Variants in XKR4 observed in about 807,000 individuals in gnomAD.
XKR4 encodes the protein XK-related protein 4.
A neutral mutation model predicts 53.9 loss-of-function variants in XKR4; 12 were observed. That is an observed-to-expected ratio of 0.22 (90% CI 0.14 to 0.36). The LOEUF (loss-of-function observed/expected upper bound fraction) is 0.36. Among genes scored for constraint, XKR4 ranks in the 10% least tolerant of loss-of-function variants. XKR4 has a pLI of 1.00. For synonymous variants in XKR4, 354 were observed against 362.4 expected (o/e 0.98, Z 0.26); for missense variants, 799 against 859.5 (o/e 0.93, Z 0.88).
At chr8:55,387,696 T>C (rs1804343259) in intron 2 of XKR4, among the ~76,000 whole-genome samples, 1 of 152,198 alleles carries the variant, frequency 6.6e-6, no homozygotes, top group Non-Finnish European at 1.5e-5. Context: ...GCTGCCTTGC[T>C]ACTACAAGTG....
At chr8:55,120,232 G>T (rs1816372331) in intron 1 of XKR4, among the ~76,000 whole-genome samples, 1 of 152,178 alleles carries the variant, frequency 6.6e-6, no homozygotes, top group African/African-American at 2.4e-5. Context: ...TTCTTGTTGA[G>T]CCTAAAGGGA....
intron 1 of XKR4, among the ~76,000 whole-genome samples, chr8:55,159,227 A>G (rs1050261407): frequency 6.6e-6 from 1 of 152,102 alleles, no homozygotes; most frequent in African/African-American, 2.4e-5. Flanking sequence ...ATTTATAGGT[A>G]TTTTATTCTT....
intron 2 of XKR4, among the ~76,000 whole-genome samples, chr8:55,510,213 C>G (rs1017218546): frequency 2.0e-5 from 3 of 152,124 alleles, no homozygotes; most frequent in Non-Finnish European, 2.9e-5. Context: ...AAACGGCTTC[C>G]TGAGCCAGGA....
chr8:55,397,844 T>C (rs1193183552), intron 2 of XKR4, among the ~76,000 whole-genome samples: 1 of 152,106 alleles, frequency 6.6e-6, no homozygotes, highest in Non-Finnish European at 1.5e-5. Context: ...AGATTCTAGG[T>C]AGGACTCACG....
intron 1 of XKR4, among the ~76,000 whole-genome samples, chr8:55,302,792 CTGTT>C (rs755404884): frequency 6.6e-6 from 1 of 152,226 alleles, no homozygotes; most frequent in East Asian, 1.9e-4. Context: ...ATTTGGCTCT[CTGTT>C]TGTCTGTTAG....
chr8:55,175,227 T>C (rs937050454), intron 1 of XKR4, among the ~76,000 whole-genome samples: 1 of 152,216 alleles, frequency 6.6e-6, no homozygotes, highest in African/African-American at 2.4e-5. Context: ...AAGTTTCACC[T>C]AATGGCTAAA....
At chr8:55,161,505 A>G (rs1350716909) in intron 1 of XKR4, 3 of 455,512 alleles carry the variant, frequency 6.6e-6, no homozygotes, top group Non-Finnish European at 1.3e-5. Flanking sequence ...CACCATCTGA[A>G]AAAACAGAAA....
At chr8:55,267,152 A>G (rs970880004) in intron 1 of XKR4, among the ~76,000 whole-genome samples, 1 of 152,180 alleles carries the variant, frequency 6.6e-6, no homozygotes, top group Non-Finnish European at 1.5e-5. Context: ...AAGGGGAGCT[A>G]GCAGAAAATC....
chr8:55,502,048 T>G (rs1166884114), intron 2 of XKR4, among the ~76,000 whole-genome samples: 1 of 152,160 alleles, frequency 6.6e-6, no homozygotes, highest in African/African-American at 2.4e-5. Context: ...AACATATTGT[T>G]TAGGGGATAA....
At chr8:55,505,734 T>C (rs1193991837) in intron 2 of XKR4, among the ~76,000 whole-genome samples, 3 of 152,216 alleles carry the variant, frequency 2.0e-5, no homozygotes, top group Non-Finnish European at 4.4e-5. Flanking sequence ...TGGCCTAATG[T>C]ATGGTCTATC....
At chr8:55,437,579 G>A (rs564557563) in intron 2 of XKR4, among the ~76,000 whole-genome samples, 191 of 152,324 alleles carry the variant, frequency 1.3e-3, no homozygotes, top group African/African-American at 4.4e-3. Context: ...ATGGATCTGA[G>A]AATGTGAATG....
chr8:55,532,059 T>A lies in XKR4; in HGVS notation c.*7832T>A, dbSNP rs2129406763. On this transcript the variant is annotated 3_prime_UTR_variant, in exon 3 of 3. Transcript: ENST00000327381. The stretch of plus-strand genomic sequence containing the variant: ...AGATTGTTAAAGATCACTATTAACT[T>A]GTATAACTAATTTTCCTTATGTGAA... 6.6e-6 allele frequency: 1 copy of A among 152,372 alleles called. No individual in the cohort carries two copies. Among genetic ancestry groups the A allele is most frequent in the South Asian group, 2.1e-4 (1 of 4,828 alleles). The allele number at this position is 152,372 out of a possible 1,614,324, so 9.4% of individuals were successfully genotyped here. A position where few individuals can be genotyped will look rare whatever the true frequency, so the allele number is the denominator to read the frequency against.
At position 55,402,234 on chromosome 8, in the gene XKR4, G is replaced by T. The variant is rs1220606824; in HGVS notation, c.1006+44357G>T. Among the ~76,000 whole-genome samples the T allele has an allele frequency of 2.0e-5, 3 of 152,216 alleles. No homozygotes were observed. The East Asian group carries it at 5.8e-4, about 29-fold the overall frequency. On this transcript the variant is annotated intron_variant, in intron 2 of 2. Transcript: ENST00000327381. The stretch of plus-strand genomic sequence containing the variant: ...TACTGGCCACACTTTGGGAACTACT[G>T]CACTAGGGTACCTGCCCCTGCGTGG...
At chr8:55,273,204 A>G in intron 1 of XKR4, among the ~76,000 whole-genome samples, 1 of 149,546 alleles carries the variant, frequency 6.7e-6, no homozygotes, top group Non-Finnish European at 1.5e-5. Flanking sequence ...ACCCTCACTG[A>G]CTAAATGTGC....
At position 55,524,537 on chromosome 8, in the gene XKR4, G is replaced by T. The variant is rs897181391; in HGVS notation, c.*310G>T. ...GGTACTACTATTATGGAAAAATTTT[G>T]CCTCCAATCATTAGGGTGTCTTGAT... On this transcript the variant is annotated 3_prime_UTR_variant, in exon 3 of 3. Coordinates refer to ENST00000327381, the MANE Select transcript of XKR4 (RefSeq NM_052898.2). 1 of 335,676 alleles carries T rather than the reference G, an allele frequency of 3.0e-6. No homozygotes were observed. The highest frequency in any genetic ancestry group is 5.4e-6 in the Non-Finnish European group (1 of 184,142). 20.8% of individuals were successfully genotyped at this position (335,676 alleles called of 1,614,324 possible).
chr8:55,205,548 T>A (rs1399966258), intron 1 of XKR4, among the ~76,000 whole-genome samples: 1 of 152,228 alleles, frequency 6.6e-6, no homozygotes, highest in Non-Finnish European at 1.5e-5. Context: ...GGCCAAAGAA[T>A]GTTTCCTATA....
chr8:55,182,017 C>T (rs1450281419), intron 1 of XKR4, among the ~76,000 whole-genome samples: 1 of 152,172 alleles, frequency 6.6e-6, no homozygotes, highest in Non-Finnish European at 1.5e-5. Context: ...GTTGTTCCCT[C>T]CTCATGTATT....
rs1204007472 is a variant in XKR4 at position 55,262,015 on chromosome 8, A to G, written c.807-95663A>G. Among the ~76,000 whole-genome samples the G allele has an allele frequency of 6.6e-5, 10 of 152,306 alleles. No individual in the cohort carries two copies. In the East Asian group the frequency reaches 1.7e-3, roughly 26 times the overall value. On this transcript the variant is annotated intron_variant, in intron 1 of 2. Coordinates refer to ENST00000327381, the MANE Select transcript of XKR4 (RefSeq NM_052898.2). The stretch of plus-strand genomic sequence containing the variant: ...GGTCATGAGAGCATTAAGTTGAGAA[A>G]TTTCAATGAATAAGGTTGAGACGAA...
intron 2 of XKR4, among the ~76,000 whole-genome samples, chr8:55,385,267 A>G (rs1435511810): frequency 6.6e-6 from 1 of 152,098 alleles, no homozygotes; most frequent in East Asian, 1.9e-4. Context: ...AATACCACCT[A>G]TGCAAAGGCT....
Sources: allele counts gnomAD v4.1 joint callset (sites outside exome capture counted in the v4.1 genomes callset), GRCh38; gene constraint gnomAD v4.1.1; transcripts MANE v1.5; gene names NCBI Gene and HGNC (gene_info 2026-07-23, HGNC 2026-07-21).